CDHR5: variants seen among roughly 807,000 people sequenced by gnomAD.
The protein encoded by CDHR5 is cadherin related family member 5.
A neutral mutation model predicts 69.5 loss-of-function variants in CDHR5; 82 were observed. The ratio of observed to expected loss-of-function variants is 1.18; its 90% CI spans 0.99 to 1.42. The LOEUF (loss-of-function observed/expected upper bound fraction) is 1.42, where lower values mean the gene tolerates loss of function less well. Among genes scored for constraint, CDHR5 ranks in the 40% most tolerant of loss-of-function variants. CDHR5 has a pLI of 0.00. For missense variants in CDHR5, 1,293 were observed against 1,168.9 expected, an observed-to-expected ratio of 1.11 and a Z score of -1.55; for synonymous variants, 601 against 510.2, an observed-to-expected ratio of 1.18 and a Z score of -2.40.
At chr11:622,423 G>GTT (rs113267764) in intron 3 of CDHR5, among the ~76,000 whole-genome samples, 2 of 127,924 alleles carry the variant, frequency 1.6e-5, no homozygotes. Context: ...TCTTTTCTCT[G>GTT]TTTTTTTTTT....
At position 617,696 on chromosome 11, in the gene CDHR5, G is replaced by T. The variant is rs1038030628; in HGVS notation, c.2193C>A (p.Ser731Arg). ...CCGCGGGCTTGGGGTCGTGCGTGGG[G>T]CTGGGGACGGGCGCCCAGTTGGCCT... ...DHKANWAPVP[S>R]PTHDPKPAEA... Residue 731 changes from serine (S) to arginine (R), a missense_variant, in exon 15 of 15, where the codon AGC (serine) becomes AGA (arginine). Physicochemically the swap from Ser to Arg is moderately radical, Grantham distance 110. Coordinates refer to ENST00000397542, the MANE Select transcript of CDHR5 (RefSeq NM_021924.5). The T allele has an allele frequency of 6.8e-6, 10 of 1,465,188 alleles. No individual in the cohort carries two copies. Among genetic ancestry groups the T allele is most frequent in the Non-Finnish European group, 8.1e-6 (9 of 1,115,788 alleles). 90.8% of individuals were successfully genotyped at this position (1,465,188 alleles called of 1,614,324 possible).
Position 620,362 on chromosome 11 carries a change from CG to C in CDHR5, c.813del (p.Gly272AspfsTer25). 6.2e-7 allele frequency: 1 copy of C among 1,610,556 alleles called. No individual in the cohort carries two copies. The highest frequency in any genetic ancestry group is 8.5e-7 in the Non-Finnish European group (1 of 1,177,810). ...HILPSPLVLR[P>X]GPIYAEDGDR... The stretch of plus-strand genomic sequence containing the variant: ...TCTCCGTCCTCAGCGTAGATGGGTC[CG>C]GGACGCAGGACGAGGGGAGATGGCT... On this transcript the variant is annotated frameshift_variant, in exon 8 of 15. Transcript: ENST00000397542. LOFTEE classifies it high-confidence loss of function.
chr11:619,596 G>A lies in CDHR5; in HGVS notation c.1180-9C>T, dbSNP rs777202338. On this transcript the variant is annotated splice_polypyrimidine_tract_variant and intron_variant, in intron 10 of 14. Coordinates refer to ENST00000397542, the MANE Select transcript of CDHR5 (RefSeq NM_021924.5). ...ATGGCCGAGTTGAGGTCCTGGACAGGGTCTCATTGAGTCCCCGGCCAGGCT... is the reference window on the plus strand; with the variant it reads ...ATGGCCGAGTTGAGGTCCTGGACAGAGTCTCATTGAGTCCCCGGCCAGGCT... 1.2e-6 allele frequency: 2 copies of A among 1,611,286 alleles called. No homozygotes were observed. Among genetic ancestry groups the A allele is most frequent in the South Asian group, 2.2e-5 (2 of 91,046 alleles).
Position 619,524 on chromosome 11 carries a change from C to A in CDHR5, c.1243G>T (p.Val415Phe). The A allele has an allele frequency of 6.2e-7, 1 of 1,613,986 alleles. No homozygotes were observed. The highest frequency in any genetic ancestry group is 8.5e-7 in the Non-Finnish European group (1 of 1,179,934). The change falls in exon 11 of 15, where the codon GTT (valine) becomes TTT (phenylalanine). Residue 415 changes from valine to phenylalanine, a missense_variant. Transcript: ENST00000397542. ...NHSHFRMEGEVVLTTTTLAQA... is the reference protein window; with the variant it reads ...NHSHFRMEGEFVLTTTTLAQA... ...GCCAGTGTGGTGGTGGTCAGCACAA[C>A]CTCTCCCTCCATCCGGAAGTGTGAG...
In CDHR5 at chr11:618,810, G is replaced by A. The variant is rs779884616; in HGVS notation, c.1749C>T (p.Pro583=). 1.2e-6 allele frequency: 2 copies of A among 1,611,830 alleles called. No homozygotes were observed. The highest frequency in any genetic ancestry group is 2.7e-5 in the African/African-American group (2 of 73,796). Residue 583 remains proline (P), a synonymous_variant, in exon 13 of 15, where the codon CCC becomes CCT. Coordinates refer to ENST00000397542, the MANE Select transcript of CDHR5 (RefSeq NM_021924.5). ...TPEPGTSQPM[P]PSMGTSTSHQ... ...GGGAGGTGCTGGTTCCCATACTGGGGGGCATCGGCTGAGAGGTTCCTGGCT... is the reference window on the plus strand; with the variant it reads ...GGGAGGTGCTGGTTCCCATACTGGGAGGCATCGGCTGAGAGGTTCCTGGCT...
rs775131015 is a variant in CDHR5, at chr11:617,608, G to T, written c.2281C>A (p.Pro761Thr). 1 of 1,602,500 alleles carries T rather than the reference G, an allele frequency of 6.2e-7. No homozygotes were observed. The highest frequency in any genetic ancestry group is 1.7e-5 in the Admixed American group (1 of 58,858). The change falls in exon 15 of 15, where the codon CCC (proline) becomes ACC (threonine). Residue 761 changes from proline (P) to threonine (T), a missense_variant. Physicochemically the swap from Pro to Thr is conservative, Grantham distance 38 (BLOSUM62 -1). Transcript: ENST00000397542. Reference sequence around the variant, plus strand: ...CCGCCAGCTCGGGCCGCTGCGGGGGGCTCAGGGGCACCGCCTGGGGAGGCA... The same window carrying T: ...CCGCCAGCTCGGGCCGCTGCGGGGGTCTCAGGGGCACCGCCTGGGGAGGCA... ...GPASPGGAPE[P>T]PAAARAGGSP...
At position 616,886 on chromosome 11, in the gene CDHR5, C is replaced by T. The variant is rs910408070; in HGVS notation, c.*465G>A. 1.1e-5 allele frequency: 2 copies of T among 181,958 alleles called. No individual in the cohort carries two copies. Among genetic ancestry groups the T allele is most frequent in the South Asian group, 2.1e-4 (2 of 9,340 alleles). 11.3% of individuals were successfully genotyped at this position (181,958 alleles called of 1,614,324 possible). On this transcript the variant is annotated 3_prime_UTR_variant, in exon 15 of 15. Coordinates refer to ENST00000397542, the MANE Select transcript of CDHR5 (RefSeq NM_021924.5). ...GCAGGTGTTTGAGACCACCGGCTCC[C>T]AAGTGCGTCGCCTTGGGGGTTTGCA...
At position 621,172 on chromosome 11, in the gene CDHR5, G is replaced by A. The variant is rs773330768; in HGVS notation, c.697C>T (p.Arg233Trp). The change falls in exon 7 of 15, where the codon CGG becomes TGG. Residue 233 changes from arginine to tryptophan, a missense_variant. Coordinates refer to ENST00000397542, the MANE Select transcript of CDHR5 (RefSeq NM_021924.5). This position sits in a 1 kb window ranked among gnomAD's most constrained non-coding sequence, Gnocchi z 4.4. The part of the protein sequence containing the change: ...LVLNVVPADL[R>W]PPWFLPCTFS... ...GTGCAGGGCAGGAACCACGGGGGCC[G>A]CAGGTCGGCGGGCACCACGTTCAGC... 21 of 1,605,334 alleles carry A rather than the reference G, an allele frequency of 1.3e-5. No homozygotes were observed. The highest frequency in any genetic ancestry group is 1.7e-5 in the Admixed American group (1 of 59,068).
rs1294655992 is a variant in CDHR5, at chr11:618,900, G to C, written c.1659C>G (p.Pro553=). The part of the protein sequence containing the change: ...PKPGTSQPMP[P]GVGTSTSHQP... ...GGTGGGAGGTGCTGGTTCCCACACCGGGGGGCATCGGCTGAGAGGTTCCTG... is the reference window on the plus strand; with the variant it reads ...GGTGGGAGGTGCTGGTTCCCACACCCGGGGGCATCGGCTGAGAGGTTCCTG... Residue 553 remains proline, a synonymous_variant, in exon 13 of 15, where the codon CCC becomes CCG. Transcript: ENST00000397542. 1 of 1,608,584 alleles carries C rather than the reference G, an allele frequency of 6.2e-7. No individual in the cohort carries two copies. The highest frequency in any genetic ancestry group is 1.1e-5 in the South Asian group (1 of 90,928).
intron 8 of CDHR5, 24 bp from the exon 9 acceptor site, chr11:620,188 A>AGCCCCG (rs760046639): frequency 5.0e-6 from 8 of 1,603,190 alleles, no homozygotes; most frequent in South Asian, 3.3e-5. Context: ...GGAAGTGCTC[A>AGCCCCG]GCCCCGGCCC....
chr11:620,260 G>A (rs1337042642), intron 8 of CDHR5, 36 bp downstream of exon 8: 4 of 1,587,400 alleles, frequency 2.5e-6, no homozygotes, highest in African/African-American at 2.7e-5. Context: ...GGACAGAGGG[G>A]GTACAGGGCA....
In CDHR5 at chr11:619,562, C is replaced by G. The variant is rs144843907; in HGVS notation, c.1205G>C (p.Arg402Pro). 1 of 1,613,864 alleles carries G rather than the reference C, an allele frequency of 6.2e-7. No homozygotes were observed. The highest frequency in any genetic ancestry group is 8.5e-7 in the Non-Finnish European group (1 of 1,179,874). Residue 402 changes from arginine (R) to proline (P), a missense_variant, in exon 11 of 15, where the codon CGA becomes CCA. Physicochemically the swap from Arg to Pro is moderately radical, Grantham distance 103. Coordinates refer to ENST00000397542, the MANE Select transcript of CDHR5 (RefSeq NM_021924.5). ...FSDLNSAITY[R>P]ITNHSHFRME... Reference sequence around the variant, plus strand: ...CCGGAAGTGTGAGTGGTTGGTAATTCGATATGTGATGGCCGAGTTGAGGTC... The same window carrying G: ...CCGGAAGTGTGAGTGGTTGGTAATTGGATATGTGATGGCCGAGTTGAGGTC...
Position 616,614 on chromosome 11 carries a change from A to C in CDHR5, c.*737T>G, listed in dbSNP as rs1258684532. 1 of 152,516 alleles carries C rather than the reference A, an allele frequency of 6.6e-6. No homozygotes were observed. The highest frequency in any genetic ancestry group is 1.5e-5 in the Non-Finnish European group (1 of 68,104). 9.4% of individuals were successfully genotyped at this position (152,516 alleles called of 1,614,324 possible). A position where few individuals can be genotyped will look rare whatever the true frequency, so the allele number is the denominator to read the frequency against. On this transcript the variant is annotated 3_prime_UTR_variant, in exon 15 of 15. Coordinates refer to ENST00000397542, the MANE Select transcript of CDHR5 (RefSeq NM_021924.5). ...AAGGAATTAATGGTGTATTTCCATT[A>C]GGGAAAGTGCTGACAAGCCGCAAGG...
chr11:619,619 G>C, intron 10 of CDHR5, 32 bp from the exon 11 acceptor site: 1 of 1,607,606 alleles, frequency 6.2e-7, no homozygotes, highest in Non-Finnish European at 8.5e-7. Context: ...CCCCGGCCAG[G>C]CTGCCTCCCA....
rs187368038 is a variant in CDHR5 at position 618,857 on chromosome 11, C to T, written c.1702G>A (p.Gly568Arg). ...STSHQPATPS[G>R]GTAQTPEPGT... is the part of the protein sequence containing the mutation. Reference sequence around the variant, plus strand: ...GGCTCTGGGGTCTGTGCTGTGCCCCCACTGGGTGTGGCTGGTTGGTGGGAG... The same window carrying T: ...GGCTCTGGGGTCTGTGCTGTGCCCCTACTGGGTGTGGCTGGTTGGTGGGAG... Residue 568 changes from glycine to arginine, a missense_variant, in exon 13 of 15, where the codon GGG (glycine) becomes AGG (arginine). By Grantham distance (125) the Gly-to-Arg change is moderately radical (BLOSUM62 -2). Coordinates refer to ENST00000397542, the MANE Select transcript of CDHR5 (RefSeq NM_021924.5). 1.5e-5 allele frequency: 24 copies of T among 1,609,560 alleles called. No individual in the cohort carries two copies. In the Admixed American group the frequency reaches 4.0e-4, roughly 27 times the overall value.
At chr11:620,689 C>T (rs116948522) in intron 7 of CDHR5, among the ~76,000 whole-genome samples, 2,298 of 152,326 alleles carry the variant, frequency 0.015, 22 homozygotes, top group Middle Eastern at 0.027. Flanking sequence ...GTCTGCATTT[C>T]TGCCTCCCAT....
chr11:622,423 GT>G (rs113267764), intron 3 of CDHR5, among the ~76,000 whole-genome samples: 2,002 of 127,718 alleles, frequency 0.016, 10 homozygotes, highest in Non-Finnish European at 0.021. Context: ...TCTTTTCTCT[GT>G]TTTTTTTTTT....
rs116005854 is a variant in CDHR5 at position 619,870 on chromosome 11, G to A, written c.990C>T (p.Ala330=). Residue 330 remains alanine (A), a synonymous_variant, in exon 10 of 15, where the codon GCC becomes GCT. Coordinates refer to ENST00000397542, the MANE Select transcript of CDHR5 (RefSeq NM_021924.5). The stretch of plus-strand genomic sequence containing the variant: ...GGGTCACTGAGTAGCGGGCAAGGTC[G>A]GCCTGTTGGCCCTGGAGGCGGGGGA... ...TFLLLVKGQQ[A]DLARYSVTQV... is the part of the protein sequence containing the mutation. The A allele has an allele frequency of 5.8e-6, 9 of 1,546,012 alleles. No homozygotes were observed. Among genetic ancestry groups the A allele is most frequent in the African/African-American group, 4.1e-5 (3 of 73,456 alleles).
intron 9 of CDHR5, 80 bp downstream of exon 9, chr11:619,987 C>T (rs1303734605): frequency 1.1e-5 from 15 of 1,313,924 alleles, no homozygotes; most frequent in East Asian, 7.6e-5. Context: ...GGCCCTGCCC[C>T]GGCCCCCCAG....
Sources: allele counts gnomAD v4.1 joint callset (sites outside exome capture counted in the v4.1 genomes callset), GRCh38; gene constraint gnomAD v4.1.1; non-coding constraint Gnocchi (gnomAD v3.1); transcripts MANE v1.5; gene names NCBI Gene and HGNC (gene_info 2026-07-23, HGNC 2026-07-21).